The following RABGAP1 variants were observed in gnomAD, a reference collection of about 807,000 sequenced individuals.
The protein encoded by RABGAP1 is rab GTPase-activating protein 1.
A neutral mutation model predicts 137.6 loss-of-function variants in RABGAP1; 23 were observed. That is an observed-to-expected ratio of 0.17 (90% CI 0.12 to 0.24). The LOEUF is 0.24. Ranked by LOEUF, RABGAP1 falls within the 10% of genes least tolerant of loss-of-function variation. RABGAP1 has a pLI of 1.00. For synonymous variants in RABGAP1, 451 were observed against 450.7 expected, an observed-to-expected ratio of 1.00 and a Z score of -0.01; for missense variants, 906 against 1,275.8, an observed-to-expected ratio of 0.71 and a Z score of 4.42.
chr9:123,056,578 C>T (rs1213816183), intron 13 of RABGAP1, among the ~76,000 whole-genome samples: 1 of 148,528 alleles, frequency 6.7e-6, no homozygotes, highest in Non-Finnish European at 1.5e-5. Context: ...GGTCAGCAGA[C>T]AAACAAGTGA....
At chr9:123,035,806 G>A in intron 13 of RABGAP1, 1 of 501,460 alleles carries the variant, frequency 2.0e-6, no homozygotes, top group South Asian at 4.3e-5. Context: ...GTTTTCAAAA[G>A]TGCTTGTGAA....
At position 123,101,751 on chromosome 9, in the gene RABGAP1, G is replaced by A. The variant is rs2035351964; in HGVS notation, c.3075G>A (p.Glu1025=). ...CCAAACTCCAGCTGGTGGAGGCCGA[G>A]TGTAAGATACAGGTAACAGCAGCAG... ...AQTKLQLVEA[E]CKIQDLEHHL... Residue 1025 remains glutamate, a synonymous_variant, in exon 25 of 26, where the codon GAG becomes GAA. Transcript: ENST00000373647. 6.2e-7 allele frequency: 1 copy of A among 1,609,304 alleles called. No individual in the cohort carries two copies. Among genetic ancestry groups the A allele is most frequent in the Admixed American group, 1.7e-5 (1 of 59,322 alleles).
intron 11 of RABGAP1, among the ~76,000 whole-genome samples, chr9:123,013,508 T>C (rs749620637): frequency 2.6e-5 from 4 of 151,924 alleles, no homozygotes; most frequent in Non-Finnish European, 5.9e-5. Context: ...TTTTTGTATG[T>C]TTTAGTAGAG....
At chr9:123,057,004 T>C (rs1250242325) in intron 13 of RABGAP1, among the ~76,000 whole-genome samples, 1 of 151,932 alleles carries the variant, frequency 6.6e-6, no homozygotes, top group Non-Finnish European at 1.5e-5. Flanking sequence ...ACCTCCCAGA[T>C]GCGGTGGTGG....
chr9:122,976,414 T>C (rs373126172), intron 2 of RABGAP1, among the ~76,000 whole-genome samples: 2 of 152,376 alleles, frequency 1.3e-5, no homozygotes, highest in East Asian at 3.9e-4. Context: ...TGTTTTGCAC[T>C]GGGCTCTTTG....
chr9:122,991,816 G>T (rs1478363076), intron 6 of RABGAP1, among the ~76,000 whole-genome samples: 1 of 151,764 alleles, frequency 6.6e-6, no homozygotes, highest in East Asian at 1.9e-4. Context: ...ACATTGCCCA[G>T]GTTGGTCTTG....
intron 13 of RABGAP1, chr9:123,029,859 C>T (rs1012208972): frequency 3.0e-6 from 1 of 328,494 alleles, no homozygotes; most frequent in Non-Finnish European, 5.8e-6. Context: ...ACACTAATGC[C>T]CAGAGGTGAA....
At chr9:123,011,147 C>A (rs2030770895) in intron 11 of RABGAP1, among the ~76,000 whole-genome samples, 1 of 151,272 alleles carries the variant, frequency 6.6e-6, no homozygotes, top group African/African-American at 2.4e-5. Flanking sequence ...TAACTTACTA[C>A]CAGGGCTTCG....
At chr9:122,975,273 A>C (rs1835705373) in intron 2 of RABGAP1, among the ~76,000 whole-genome samples, 1 of 152,204 alleles carries the variant, frequency 6.6e-6, no homozygotes, top group South Asian at 2.1e-4. Flanking sequence ...AAACTGCCTG[A>C]AGTAGCTTTG....
At chr9:122,986,072 G>T in intron 3 of RABGAP1, 143 bp from the exon 4 acceptor site, 1 of 705,960 alleles carries the variant, frequency 1.4e-6, no homozygotes, top group South Asian at 2.1e-5. Context: ...GTTTTCATGG[G>T]CATTTCTTTT....
chr9:123,057,349 C>T (rs2033764078), intron 13 of RABGAP1, among the ~76,000 whole-genome samples: 1 of 149,192 alleles, frequency 6.7e-6, no homozygotes, highest in Admixed American at 6.7e-5. Flanking sequence ...GGCGGCCGGG[C>T]AGAGACGCTC....
chr9:122,985,381 G>A (rs1287443925), intron 3 of RABGAP1, among the ~76,000 whole-genome samples: 2 of 152,176 alleles, frequency 1.3e-5, no homozygotes, highest in Non-Finnish European at 2.9e-5. Flanking sequence ...TTGGGAGGCC[G>A]AGGCAGGTGG....
chr9:122,943,229 A>T (rs962082338), intron 1 of RABGAP1, among the ~76,000 whole-genome samples: 1 of 151,700 alleles, frequency 6.6e-6, no homozygotes, highest in Non-Finnish European at 1.5e-5. Context: ...CACCACGCCT[A>T]GCTAATTTTT....
intron 13 of RABGAP1, among the ~76,000 whole-genome samples, chr9:123,039,191 C>G (rs1200075404): frequency 6.6e-6 from 1 of 152,188 alleles, no homozygotes; most frequent in Non-Finnish European, 1.5e-5. Context: ...CACCACTACT[C>G]TGTGCTACTT....
intron 6 of RABGAP1, among the ~76,000 whole-genome samples, chr9:122,991,626 T>TA (rs1317428966): frequency 6.7e-6 from 1 of 148,354 alleles, no homozygotes; most frequent in African/African-American, 2.6e-5. Context: ...TTTTTTGAGA[T>TA]ACGCCTCACG....
At chr9:122,985,167 GGGA>G (rs1170567284) in intron 3 of RABGAP1, among the ~76,000 whole-genome samples, 1 of 152,144 alleles carries the variant, frequency 6.6e-6, no homozygotes, top group Non-Finnish European at 1.5e-5. Context: ...GACATAGCAT[GGGA>G]GGAGAAGGAC....
chr9:123,005,714 C>T (rs1279543856), intron 10 of RABGAP1, among the ~76,000 whole-genome samples: 1 of 152,108 alleles, frequency 6.6e-6, no homozygotes, highest in Non-Finnish European at 1.5e-5. Flanking sequence ...AATAATGTTG[C>T]AGTGTGGAAT....
intron 13 of RABGAP1, among the ~76,000 whole-genome samples, chr9:123,041,125 ACT>A (rs1260277820): frequency 6.6e-6 from 1 of 151,938 alleles, no homozygotes; most frequent in Non-Finnish European, 1.5e-5. Flanking sequence ...GTTAATTGAG[ACT>A]CTTTATGTTT....
intron 23 of RABGAP1, among the ~76,000 whole-genome samples, chr9:123,099,009 A>G (rs970415307): frequency 4.6e-5 from 7 of 152,192 alleles, no homozygotes; most frequent in Non-Finnish European, 1.0e-4. Context: ...CGAGGATTTA[A>G]AAAGACCATG....
Sources: allele counts gnomAD v4.1 joint callset (sites outside exome capture counted in the v4.1 genomes callset), GRCh38; gene constraint gnomAD v4.1.1; transcripts MANE v1.5; gene names NCBI Gene and HGNC (gene_info 2026-07-23, HGNC 2026-07-21).